RPN1: variants seen among roughly 807,000 people sequenced by gnomAD.
RPN1 encodes the protein dolichyl-diphosphooligosaccharide--protein glycosyltransferase subunit 1.
Under a neutral mutation model 55.5 loss-of-function variants are expected in RPN1, and 12 were observed. The ratio of observed to expected loss-of-function variants is 0.22; its 90% CI spans 0.14 to 0.35. RPN1 has a LOEUF of 0.35. RPN1 is among the 10% of genes least tolerant of loss of function. The pLI is 1.00. For synonymous variants in RPN1, 317 were observed against 305.9 expected (o/e 1.04, Z -0.38); for missense variants, 679 against 761.3 (o/e 0.89, Z 1.27).
Position 128,637,795 on chromosome 3 carries a change from T to C in RPN1, c.633+4A>G, listed in dbSNP as rs191308555. On this transcript the variant is annotated splice_donor_region_variant and intron_variant, in intron 3 of 9. Coordinates refer to ENST00000296255, the MANE Select transcript of RPN1 (RefSeq NM_002950.4). ...GGGATGGGCTGGACTCCACCTGAGCTTACCTGACTATAGGCAGGCACATCT... is the reference window on the plus strand; with the variant it reads ...GGGATGGGCTGGACTCCACCTGAGCCTACCTGACTATAGGCAGGCACATCT... The C allele has an allele frequency of 3.8e-4, 609 of 1,609,926 alleles. 2 individuals carry two copies. Among genetic ancestry groups the C allele is most frequent in the Non-Finnish European group, 4.6e-4 (540 of 1,177,924 alleles).
chr3:128,645,426 C>T (rs6801509), intron 1 of RPN1, among the ~76,000 whole-genome samples: 34,526 of 151,198 alleles, frequency 0.23, 4,202 homozygotes, highest in Non-Finnish European at 0.26. Flanking sequence ...GCTGAGATGG[C>T]GCCATCACAC....
chr3:128,623,714 C>T (rs1258689715), intron 8 of RPN1, among the ~76,000 whole-genome samples: 1 of 151,966 alleles, frequency 6.6e-6, no homozygotes, highest in African/African-American at 2.4e-5. Context: ...GTCAACAGTA[C>T]TAATTAACTG....
Position 128,637,844 on chromosome 3 carries a change from G to C in RPN1, c.588C>G (p.Asp196Glu). 6.2e-7 allele frequency: 1 copy of C among 1,613,760 alleles called. No homozygotes were observed. Among genetic ancestry groups the C allele is most frequent in the Non-Finnish European group, 8.5e-7 (1 of 1,180,046 alleles). Residue 196 changes from aspartate to glutamate, a missense_variant, in exon 3 of 10, where the codon GAC becomes GAG. Asp to Glu is a conservative substitution (Grantham distance 45). Transcript: ENST00000296255. ...CTCTGAAAGGCCCATAATCCAGTAG[G>C]TCCTCAGAGCGCGTGGGGTTCCCCA... ...TKLGNPTRSE[D>E]LLDYGPFRDV...
chr3:128,650,463 G>C, intron 1 of RPN1, 77 bp downstream of exon 1: 1 of 1,397,230 alleles, frequency 7.2e-7, no homozygotes, highest in African/African-American at 1.4e-5. Flanking sequence ...AGAGGGGCGC[G>C]GGCGGAGTCG....
intron 5 of RPN1, among the ~76,000 whole-genome samples, chr3:128,628,851 G>A (rs550261480): frequency 3.9e-5 from 6 of 152,128 alleles, no homozygotes; most frequent in African/African-American, 9.6e-5. Context: ...GCATGATGGC[G>A]GGTGCCTGTA....
chr3:128,641,533 C>A (rs1456687862), intron 2 of RPN1, among the ~76,000 whole-genome samples: 1 of 150,628 alleles, frequency 6.6e-6, no homozygotes, highest in African/African-American at 2.4e-5. Flanking sequence ...CATTAGCCTT[C>A]TTTGTGATTA....
rs1271137366 is a variant in RPN1 at position 128,626,032 on chromosome 3, A to C, written c.1137-20T>G. 11 of 1,585,368 alleles carry C rather than the reference A, an allele frequency of 6.9e-6. No individual in the cohort carries two copies. The African/African-American group carries it at 9.5e-5, about 14-fold the overall frequency. ...ATGTTCCTGGAAGAAGATGGGAATA[A>C]AATATAGCCTCCAACCAACTACATC... On this transcript the variant is annotated intron_variant, in intron 6 of 9. Coordinates refer to ENST00000296255, the MANE Select transcript of RPN1 (RefSeq NM_002950.4).
At position 128,631,478 on chromosome 3, in the gene RPN1, C is replaced by T. The variant is rs367605191; in HGVS notation, c.843+470G>A. Among the ~76,000 whole-genome samples, 70 of 132,854 alleles carry T rather than the reference C, an allele frequency of 5.3e-4. 1 individual carries two copies. The highest frequency in any genetic ancestry group is 1.9e-3 in the African/African-American group (69 of 35,526). 87.2% of individuals were successfully genotyped at this position (132,854 alleles called of 152,430 possible). A position where few individuals can be genotyped will look rare whatever the true frequency, so the allele number is the denominator to read the frequency against. On this transcript the variant is annotated intron_variant, in intron 4 of 9. Coordinates refer to ENST00000296255, the MANE Select transcript of RPN1 (RefSeq NM_002950.4). ...GGGCAACAAGAGCAAAACTCCGTCT[C>T]AAGAAAAAAAAAAAAAAGAAAGAGA...
intron 8 of RPN1, among the ~76,000 whole-genome samples, chr3:128,624,366 G>C (rs1442170191): frequency 6.6e-6 from 1 of 152,066 alleles, no homozygotes; most frequent in Non-Finnish European, 1.5e-5. Flanking sequence ...TGTAGTCCCA[G>C]CTATTCGAGA....
intron 2 of RPN1, 193 bp downstream of exon 2, chr3:128,644,726 A>C: frequency 3.1e-6 from 2 of 651,828 alleles, no homozygotes; most frequent in South Asian, 3.5e-5. Context: ...TGAGAGGCCA[A>C]GGTAGAAGGA....
chr3:128,631,481 GAA>G (rs200313122), intron 4 of RPN1, among the ~76,000 whole-genome samples: 8 of 123,738 alleles, frequency 6.5e-5, no homozygotes, highest in Non-Finnish European at 5.2e-5. Context: ...TCCGTCTCAA[GAA>G]AAAAAAAAAA....
intron 3 of RPN1, among the ~76,000 whole-genome samples, chr3:128,635,632 T>TATAG (rs1559755799): frequency 4.4e-4 from 13 of 29,326 alleles, no homozygotes; most frequent in African/African-American, 1.9e-3. Flanking sequence ...TATATATATA[T>TATAG]ATATATAGAT....
intron 5 of RPN1, among the ~76,000 whole-genome samples, chr3:128,628,911 G>A (rs2069622054): frequency 6.6e-6 from 1 of 152,140 alleles, no homozygotes; most frequent in African/African-American, 2.4e-5. Context: ...GAACCTAGGA[G>A]GCAGAGGTTG....
At chr3:128,648,905 C>T (rs946017623) in intron 1 of RPN1, among the ~76,000 whole-genome samples, 2 of 152,152 alleles carry the variant, frequency 1.3e-5, no homozygotes, top group Non-Finnish European at 2.9e-5. Flanking sequence ...ACTGTAAGAC[C>T]GCATGTAAGG....
At chr3:128,622,733 A>C (rs1306764904) in intron 8 of RPN1, among the ~76,000 whole-genome samples, 1 of 151,964 alleles carries the variant, frequency 6.6e-6, no homozygotes, top group African/African-American at 2.4e-5. Flanking sequence ...TCTCTACTAA[A>C]AATAGAAAAA....
chr3:128,632,082 A>G lies in RPN1; in HGVS notation c.709T>C (p.Ser237Pro). The G allele has an allele frequency of 6.2e-7, 1 of 1,614,196 alleles. No homozygotes were observed. Among genetic ancestry groups the G allele is most frequent in the Non-Finnish European group, 8.5e-7 (1 of 1,180,046 alleles). The change falls in exon 4 of 10, where the codon TCT (serine) becomes CCT (proline). Residue 237 changes from serine to proline, a missense_variant. Transcript: ENST00000296255. ...TCCACAGCAATATTACCCCAGTGAG[A>G]GACTTCAATGACTCGGGTCATGCTG... ...ITSMTRVIEV[S>P]HWGNIAVEEN...
intron 4 of RPN1, among the ~76,000 whole-genome samples, chr3:128,631,008 G>C (rs997660320): frequency 6.6e-6 from 1 of 151,916 alleles, no homozygotes; most frequent in Non-Finnish European, 1.5e-5. Context: ...AGCTACTCGG[G>C]AGGCTGAGGC....
At position 128,622,203 on chromosome 3, in the gene RPN1, C is replaced by A. The variant is rs2069565055; in HGVS notation, c.1602G>T (p.Gln534His). The change falls in exon 9 of 10, where the codon CAG becomes CAT. Residue 534 changes from glutamine (Q) to histidine (H), a missense_variant. By Grantham distance (24) the Gln-to-His change is conservative. Transcript: ENST00000296255. ...KALTSEIALL[Q>H]SRLKTEGSDL... ...CAGAGCCCTCTGTCTTCAGCCTGGACTGCAGCAGTGCAATCTCACTGGTCA... is the reference window on the plus strand; with the variant it reads ...CAGAGCCCTCTGTCTTCAGCCTGGAATGCAGCAGTGCAATCTCACTGGTCA... 1 of 1,614,202 alleles carries A rather than the reference C, an allele frequency of 6.2e-7. No individual in the cohort carries two copies.
At chr3:128,634,717 C>A (rs2069664501) in intron 3 of RPN1, among the ~76,000 whole-genome samples, 1 of 152,050 alleles carries the variant, frequency 6.6e-6, no homozygotes, top group Non-Finnish European at 1.5e-5. Context: ...TGCACGCCAG[C>A]ATGCTCAGCT....
Sources: allele counts gnomAD v4.1 joint callset (sites outside exome capture counted in the v4.1 genomes callset), GRCh38; gene constraint gnomAD v4.1.1; transcripts MANE v1.5; gene names NCBI Gene and HGNC (gene_info 2026-07-23, HGNC 2026-07-21).